Variants in SCHIP1 observed in about 807,000 individuals in gnomAD.
SCHIP1 encodes schwannomin interacting protein 1.
Under a neutral mutation model 29.7 loss-of-function variants are expected in SCHIP1, and 8 were observed. The ratio of observed to expected loss-of-function variants is 0.27; its 90% CI spans 0.16 to 0.49. The LOEUF (loss-of-function observed/expected upper bound fraction) is 0.49. SCHIP1 is among the 20% of genes least tolerant of loss of function. The pLI, the probability that SCHIP1 is intolerant of heterozygous loss-of-function variation, is 0.99. For synonymous variants in SCHIP1, 76 were observed against 94.9 expected (o/e 0.80, Z 1.16); for missense variants, 193 against 294.6 (o/e 0.66, Z 2.52).
chr3:159,876,346 G>T (rs542926744), intron 2 of SCHIP1, among the ~76,000 whole-genome samples: 2 of 152,302 alleles, frequency 1.3e-5, no homozygotes, highest in South Asian at 4.1e-4. Context: ...GAACCAGAGG[G>T]TCTGGCTTGG....
the SCHIP1 span, among the ~76,000 whole-genome samples, chr3:159,303,009 A>C: frequency 6.6e-6 from 1 of 152,196 alleles, no homozygotes; most frequent in African/African-American, 2.4e-5. Context: ...GTATTATACT[A>C]TTATCTCCAT....
At chr3:159,512,108 A>G in the SCHIP1 span, among the ~76,000 whole-genome samples, 1 of 152,182 alleles carries the variant, frequency 6.6e-6, no homozygotes, top group Non-Finnish European at 1.5e-5. Flanking sequence ...GAACTCTTAC[A>G]AATCAACAAC....
the SCHIP1 span, among the ~76,000 whole-genome samples, chr3:159,791,563 G>A: frequency 6.6e-6 from 1 of 152,204 alleles, no homozygotes; most frequent in African/African-American, 2.4e-5. Context: ...TGCTGGAGGG[G>A]TGTCCTACAG....
the SCHIP1 span, among the ~76,000 whole-genome samples, chr3:159,420,254 C>G: frequency 6.6e-6 from 1 of 152,136 alleles, no homozygotes; most frequent in Non-Finnish European, 1.5e-5. Flanking sequence ...GATTCAGAGA[C>G]AGCCTCGCAA....
the SCHIP1 span, among the ~76,000 whole-genome samples, chr3:159,559,840 T>C: frequency 4.6e-5 from 7 of 152,176 alleles, no homozygotes; most frequent in Non-Finnish European, 1.0e-4. Context: ...ATAATGGCTT[T>C]AGTGATGAAC....
the SCHIP1 span, among the ~76,000 whole-genome samples, chr3:159,437,430 C>T: frequency 6.6e-6 from 1 of 152,012 alleles, no homozygotes; most frequent in Non-Finnish European, 1.5e-5. Context: ...TATTAATGTC[C>T]TACGGCTGCC....
chr3:159,653,458 G>A, the SCHIP1 span, among the ~76,000 whole-genome samples: 1 of 151,882 alleles, frequency 6.6e-6, no homozygotes, highest in Non-Finnish European at 1.5e-5. Context: ...GAAGCTGGAA[G>A]CCATCATTCT....
the SCHIP1 span, among the ~76,000 whole-genome samples, chr3:159,575,796 A>G: frequency 6.6e-6 from 1 of 152,150 alleles, no homozygotes. Context: ...CAGTAATTCT[A>G]CACTCCTAAA....
At chr3:159,310,169 CA>C in the SCHIP1 span, among the ~76,000 whole-genome samples, 1 of 152,152 alleles carries the variant, frequency 6.6e-6, no homozygotes, top group African/African-American at 2.4e-5. Flanking sequence ...TCTGCCTGAC[CA>C]GGGCAACTAC....
chr3:159,745,175 A>AT, the SCHIP1 span, among the ~76,000 whole-genome samples: 1 of 152,070 alleles, frequency 6.6e-6, no homozygotes, highest in Non-Finnish European at 1.5e-5. Context: ...CAAATAGCTC[A>AT]TTTTTCCTGA....
At chr3:159,825,939 G>A in the SCHIP1 span, among the ~76,000 whole-genome samples, 1 of 152,198 alleles carries the variant, frequency 6.6e-6, no homozygotes. Context: ...GCAGGCACGA[G>A]CTTGGCTTTT....
the SCHIP1 span, among the ~76,000 whole-genome samples, chr3:159,523,594 T>A: frequency 6.6e-6 from 1 of 152,186 alleles, no homozygotes; most frequent in African/African-American, 2.4e-5. Context: ...TGTGATATAG[T>A]ATCACTTTTA....
the SCHIP1 span, among the ~76,000 whole-genome samples, chr3:159,627,487 A>G: frequency 6.6e-6 from 1 of 152,200 alleles, no homozygotes; most frequent in African/African-American, 2.4e-5. Context: ...TATAATTCCC[A>G]TTTTACAGAT....
the SCHIP1 span, among the ~76,000 whole-genome samples, chr3:159,295,293 G>A: frequency 6.7e-6 from 1 of 150,110 alleles, no homozygotes; most frequent in African/African-American, 2.5e-5. Context: ...GCCAGGCATG[G>A]TGGTGTGCGC....
the SCHIP1 span, among the ~76,000 whole-genome samples, chr3:159,611,932 T>C: frequency 6.6e-6 from 1 of 152,114 alleles, no homozygotes; most frequent in Non-Finnish European, 1.5e-5. Context: ...AATCTCCCTC[T>C]CTCTTATAAA....
the SCHIP1 span, among the ~76,000 whole-genome samples, chr3:159,325,193 G>A: frequency 7.2e-5 from 11 of 152,140 alleles, no homozygotes; most frequent in South Asian, 1.0e-3. Context: ...TCAAGTCACC[G>A]TAATTATTAA....
the SCHIP1 span, among the ~76,000 whole-genome samples, chr3:159,319,714 T>G: frequency 3.3e-5 from 5 of 152,246 alleles, no homozygotes; most frequent in Admixed American, 6.5e-5. Context: ...GCTTTGAAAT[T>G]TGTTGCTCTT....
the SCHIP1 span, among the ~76,000 whole-genome samples, chr3:159,351,282 C>A: frequency 6.6e-6 from 1 of 152,228 alleles, no homozygotes; most frequent in African/African-American, 2.4e-5. Flanking sequence ...ATGAATATGC[C>A]TGTTTTGCAG....
chr3:159,295,143 T>C, the SCHIP1 span, among the ~76,000 whole-genome samples: 2 of 151,058 alleles, frequency 1.3e-5, no homozygotes, highest in African/African-American at 2.4e-5. Flanking sequence ...CCAGAATTGC[T>C]CTTCTCATTT....
Sources: allele counts gnomAD v4.1 joint callset (sites outside exome capture counted in the v4.1 genomes callset), GRCh38; gene constraint gnomAD v4.1.1; transcripts MANE v1.5; gene names NCBI Gene and HGNC (gene_info 2026-07-23, HGNC 2026-07-21).